Variants in PLEKHA7 observed in about 807,000 individuals in gnomAD.
PLEKHA7 encodes the protein pleckstrin homology domain-containing family A member 7.
In PLEKHA7, 104 loss-of-function variants were observed where a neutral mutation model predicts 170.0. The ratio of observed to expected loss-of-function variants is 0.61; its 90% CI spans 0.52 to 0.72. The LOEUF is 0.72. Among genes scored for constraint, PLEKHA7 ranks in the 30% least tolerant of loss-of-function variants. The pLI is 0.00. For missense variants in PLEKHA7, 1,615 were observed against 1,671.7 expected (o/e 0.97, Z 0.59); for synonymous variants, 648 against 660.8 (o/e 0.98, Z 0.30).
intron 3 of PLEKHA7, among the ~76,000 whole-genome samples, chr11:16,903,791 A>C (rs1590553500): frequency 6.6e-6 from 1 of 152,222 alleles, no homozygotes; most frequent in Non-Finnish European, 1.5e-5. Context: ...AGACATAATC[A>C]AACTAAGAAA....
chr11:16,871,229 G>C, intron 3 of PLEKHA7, 47 bp from the exon 4 acceptor site: 1 of 1,449,696 alleles, frequency 6.9e-7, no homozygotes, highest in African/African-American at 1.4e-5. Flanking sequence ...TGAATGGAAG[G>C]AGTACAGACA....
intron 4 of PLEKHA7, among the ~76,000 whole-genome samples, chr11:16,868,113 C>T (rs973171561): frequency 1.3e-5 from 2 of 152,144 alleles, no homozygotes; most frequent in African/African-American, 4.8e-5. Context: ...AACCACATCC[C>T]TTCCCAGATG....
chr11:16,954,005 C>G (rs936968065), intron 3 of PLEKHA7, among the ~76,000 whole-genome samples: 1 of 152,138 alleles, frequency 6.6e-6, no homozygotes, highest in Non-Finnish European at 1.5e-5. Context: ...CTCACACACA[C>G]AGGAAGCTAC....
intron 3 of PLEKHA7, among the ~76,000 whole-genome samples, chr11:17,010,667 A>ATCCTGTAAAACC (rs1865273069): frequency 6.6e-6 from 1 of 152,214 alleles, no homozygotes; most frequent in Non-Finnish European, 1.5e-5. Context: ...AACTGAATAC[A>ATCCTGTAAAACC]TCCTGTAAAA....
At chr11:16,906,326 C>CCCTCTCCCTCTCCCT (rs1565098598) in intron 3 of PLEKHA7, among the ~76,000 whole-genome samples, 1 of 132,276 alleles carries the variant, frequency 7.6e-6, no homozygotes, top group Admixed American at 7.6e-5. Context: ...TCCCTCCTCT[C>CCCTCTCCCTCTCCCT]ACTCTCCCTC....
rs543269788 is a variant in PLEKHA7, at chr11:16,817,081, G to A, written c.1585C>T (p.Arg529Cys). 15 of 1,613,314 alleles carry A rather than the reference G, an allele frequency of 9.3e-6. No individual in the cohort carries two copies. The highest frequency in any genetic ancestry group is 3.3e-5 in the Admixed American group (2 of 59,984). Residue 529 changes from arginine (R) to cysteine (C), a missense_variant, in exon 11 of 27, where the codon CGC (arginine) becomes TGC (cysteine). Arg to Cys is a radical substitution (Grantham distance 180). Coordinates refer to ENST00000531066, the MANE Select transcript of PLEKHA7 (RefSeq NM_001329630.2). This position sits in a 1 kb window ranked among gnomAD's most constrained non-coding sequence, Gnocchi z 4.4. ...GGGCTGCCGTGCCGGAACTGCTGGC[G>A]CTGCTGCCACTCGTAGAGCTGCCAC... ...TVWQLYEWQQ[R>C]QQFRHGSPTA...
At chr11:16,826,669 C>T (rs1850681210) in intron 9 of PLEKHA7, 79 bp from the exon 10 acceptor site, 1 of 1,281,272 alleles carries the variant, frequency 7.8e-7, no homozygotes, top group Admixed American at 1.8e-5. Context: ...CAATCACCTG[C>T]AGGCCTTTGC....
intron 3 of PLEKHA7, among the ~76,000 whole-genome samples, chr11:16,987,215 T>C (rs1468786925): frequency 1.3e-5 from 2 of 152,100 alleles, no homozygotes; most frequent in Non-Finnish European, 2.9e-5. Context: ...TCCCCACCAG[T>C]GATCACTCCC....
intron 3 of PLEKHA7, among the ~76,000 whole-genome samples, chr11:16,914,144 T>TA (rs1170975278): frequency 5.3e-5 from 8 of 150,886 alleles, no homozygotes; most frequent in Non-Finnish European, 4.4e-5. Flanking sequence ...AAAGCATATT[T>TA]AAAAAAAAAG....
At chr11:16,860,976 A>C (rs534024810) in intron 4 of PLEKHA7, among the ~76,000 whole-genome samples, 4 of 152,244 alleles carry the variant, frequency 2.6e-5, no homozygotes, top group South Asian at 2.1e-4. Flanking sequence ...GAAAACCATA[A>C]AGCACCCATG....
intron 3 of PLEKHA7, among the ~76,000 whole-genome samples, chr11:16,903,973 G>A (rs181523642): frequency 6.6e-6 from 1 of 152,276 alleles, no homozygotes; most frequent in East Asian, 1.9e-4. Context: ...CAAAGATACA[G>A]CCTGCTCTAC....
At chr11:16,848,012 T>TA (rs1852599568) in intron 8 of PLEKHA7, among the ~76,000 whole-genome samples, 1 of 152,116 alleles carries the variant, frequency 6.6e-6, no homozygotes, top group Non-Finnish European at 1.5e-5. Flanking sequence ...AGCCAATGCT[T>TA]ACAGAGCACT....
At chr11:16,910,899 G>C (rs1170197476) in intron 3 of PLEKHA7, among the ~76,000 whole-genome samples, 1 of 152,192 alleles carries the variant, frequency 6.6e-6, no homozygotes, top group Non-Finnish European at 1.5e-5. Context: ...TTCCAGGCTT[G>C]GCTCCAGCTG....
intron 3 of PLEKHA7, among the ~76,000 whole-genome samples, chr11:16,978,907 C>A (rs1015358054): frequency 3.3e-5 from 5 of 152,186 alleles, no homozygotes; most frequent in African/African-American, 1.2e-4. Context: ...TCTCCCACGC[C>A]CACACCCTGC....
chr11:16,984,013 G>A (rs912847748), intron 3 of PLEKHA7, among the ~76,000 whole-genome samples: 7 of 152,124 alleles, frequency 4.6e-5, no homozygotes, highest in East Asian at 1.9e-4. Flanking sequence ...CCAGGAGGTC[G>A]AGGCTGCAGC....
At chr11:16,980,537 G>A (rs1863362018) in intron 3 of PLEKHA7, among the ~76,000 whole-genome samples, 1 of 152,256 alleles carries the variant, frequency 6.6e-6, no homozygotes, top group African/African-American at 2.4e-5. Flanking sequence ...CATGGCGGAT[G>A]AAAGCAGATG....
At chr11:16,997,621 AGC>A (rs1474545145) in intron 3 of PLEKHA7, among the ~76,000 whole-genome samples, 4 of 152,174 alleles carry the variant, frequency 2.6e-5, no homozygotes, top group African/African-American at 9.7e-5. Flanking sequence ...CTAGCCTCTG[AGC>A]TCCAGGTCTC....
At chr11:16,989,086 C>T (rs892121549) in intron 3 of PLEKHA7, among the ~76,000 whole-genome samples, 1 of 152,196 alleles carries the variant, frequency 6.6e-6, no homozygotes, top group African/African-American at 2.4e-5. Flanking sequence ...CTGTGATCTC[C>T]CCAGAGCAGA....
intron 8 of PLEKHA7, among the ~76,000 whole-genome samples, chr11:16,847,935 G>A (rs1222339511): frequency 6.6e-6 from 1 of 152,010 alleles, no homozygotes; most frequent in Non-Finnish European, 1.5e-5. Context: ...GAACAAGGGT[G>A]CAACTTAGGA....
Sources: gnomAD v4.1 joint callset for allele counts (sites outside exome capture counted in the v4.1 genomes callset) on GRCh38, gnomAD v4.1.1 for gene constraint, Gnocchi (gnomAD v3.1) non-coding constraint, MANE v1.5 for transcripts, NCBI Gene and HGNC (gene_info 2026-07-23, HGNC 2026-07-21) for gene names.